Variants in BNC2 observed in about 807,000 individuals in gnomAD.
BNC2 encodes the protein basonuclin zinc finger protein 2, also known as zinc finger protein basonuclin-2.
In BNC2, 20 loss-of-function variants were observed where a neutral mutation model predicts 76.3. The ratio of observed to expected loss-of-function variants is 0.26; its 90% CI spans 0.18 to 0.38. BNC2 has a LOEUF of 0.38. Ranked by LOEUF, BNC2 falls within the 10% of genes least tolerant of loss-of-function variation. BNC2 has a pLI of 1.00. For synonymous variants in BNC2, 582 were observed against 514.8 expected, an observed-to-expected ratio of 1.13 and a Z score of -1.77; for missense variants, 1,382 against 1,399.8, an observed-to-expected ratio of 0.99 and a Z score of 0.20.
chr9:16,504,784 T>C (rs1002759972), intron 5 of BNC2, among the ~76,000 whole-genome samples: 14 of 151,952 alleles, frequency 9.2e-5, no homozygotes, highest in African/African-American at 2.9e-4. Flanking sequence ...CTGTTCGAGG[T>C]TGCAGTGTGC....
In BNC2 at chr9:16,639,186, T is replaced by C. The variant is rs12004754; in HGVS notation, c.331-56101A>G. Reference sequence around the variant, plus strand: ...CAGAAGTTAATAAAGTATTCTTGGATGACACTTTAGGAGACATTTTATCAA... The same window carrying C: ...CAGAAGTTAATAAAGTATTCTTGGACGACACTTTAGGAGACATTTTATCAA... On this transcript the variant is annotated intron_variant, in intron 3 of 6. Coordinates refer to ENST00000380672, the MANE Select transcript of BNC2 (RefSeq NM_017637.6). Among the ~76,000 whole-genome samples the C allele has an allele frequency of 7.5e-3, 1,140 of 152,294 alleles. 17 individuals carry two copies. Among genetic ancestry groups the C allele is most frequent in the African/African-American group, 0.026 (1,088 of 41,572 alleles).
At chr9:16,676,051 C>T (rs556626007) in intron 3 of BNC2, among the ~76,000 whole-genome samples, 8 of 152,160 alleles carry the variant, frequency 5.3e-5, no homozygotes, top group African/African-American at 7.2e-5. Flanking sequence ...GGTGACAAAG[C>T]GAGACTCTGT....
At chr9:16,784,908 T>G (rs936696814) in intron 1 of BNC2, among the ~76,000 whole-genome samples, 3 of 152,182 alleles carry the variant, frequency 2.0e-5, no homozygotes, top group African/African-American at 7.2e-5. Flanking sequence ...CTTCCAGGAC[T>G]TGGTAAATGA....
chr9:16,602,559 A>AC (rs1173725645), intron 3 of BNC2, among the ~76,000 whole-genome samples: 2 of 152,134 alleles, frequency 1.3e-5, no homozygotes, highest in Admixed American at 6.5e-5. Flanking sequence ...GGTGCCACAT[A>AC]CCCCCTCAGT....
At chr9:16,419,921 T>C (rs1820676510) in intron 6 of BNC2, among the ~76,000 whole-genome samples, 1 of 152,160 alleles carries the variant, frequency 6.6e-6, no homozygotes, top group Admixed American at 6.6e-5. Flanking sequence ...TGCAAACCCG[T>C]GCACCTTTTT....
intron 3 of BNC2, among the ~76,000 whole-genome samples, chr9:16,666,310 T>A (rs1258012380): frequency 6.6e-6 from 1 of 152,230 alleles, no homozygotes; most frequent in Non-Finnish European, 1.5e-5. Context: ...CTGGTAATGT[T>A]GGCATTCCCT....
chr9:16,549,283 C>T (rs1818585464), intron 5 of BNC2, among the ~76,000 whole-genome samples: 2 of 152,178 alleles, frequency 1.3e-5, no homozygotes, highest in South Asian at 4.1e-4. Flanking sequence ...TACCGTACAT[C>T]TTCATTTGCC....
At chr9:16,692,301 C>T (rs1257288960) in intron 3 of BNC2, among the ~76,000 whole-genome samples, 1 of 152,134 alleles carries the variant, frequency 6.6e-6, no homozygotes, top group Non-Finnish European at 1.5e-5. Flanking sequence ...TACTTTCTAT[C>T]CTCAACACTC....
intron 5 of BNC2, among the ~76,000 whole-genome samples, chr9:16,515,254 C>T (rs1822850554): frequency 6.6e-6 from 1 of 152,144 alleles, no homozygotes; most frequent in Non-Finnish European, 1.5e-5. Flanking sequence ...GAAATGGAGC[C>T]GCTTCAAAGC....
At chr9:16,583,209 G>T in intron 3 of BNC2, 124 bp from the exon 4 acceptor site, 1 of 785,560 alleles carries the variant, frequency 1.3e-6, no homozygotes, top group Non-Finnish European at 2.1e-6. Flanking sequence ...GGCCTGGAGA[G>T]TTTTAAAAAT....
chr9:16,428,819 C>CA (rs1335274258), intron 6 of BNC2, among the ~76,000 whole-genome samples: 2 of 152,136 alleles, frequency 1.3e-5, no homozygotes, highest in Non-Finnish European at 2.9e-5. Context: ...TTAGGTGTAA[C>CA]AGCTTTTTAC....
chr9:16,613,865 A>C (rs963213845), intron 3 of BNC2, among the ~76,000 whole-genome samples: 3 of 152,228 alleles, frequency 2.0e-5, no homozygotes, highest in African/African-American at 7.2e-5. Flanking sequence ...CTCTGATTCC[A>C]GACAGGCAGT....
chr9:16,453,994 A>G (rs924240557), intron 5 of BNC2, among the ~76,000 whole-genome samples: 2 of 152,000 alleles, frequency 1.3e-5, no homozygotes, highest in Admixed American at 6.6e-5. Flanking sequence ...ATATACTCCC[A>G]CCACCAACGT....
At chr9:16,692,774 G>C (rs932423945) in intron 3 of BNC2, among the ~76,000 whole-genome samples, 28 of 152,144 alleles carry the variant, frequency 1.8e-4, no homozygotes, top group Admixed American at 8.5e-4. Flanking sequence ...GCTTCCTAGA[G>C]TGATGCTGTG....
chr9:16,674,996 A>G (rs1193253655), intron 3 of BNC2, among the ~76,000 whole-genome samples: 2 of 152,214 alleles, frequency 1.3e-5, no homozygotes, highest in Non-Finnish European at 2.9e-5. Flanking sequence ...CTGACACTAG[A>G]AAAGTAGAAG....
In BNC2 at chr9:16,634,885, G is replaced by GT. The variant is rs59933674; in HGVS notation, c.331-51801dup. On this transcript the variant is annotated intron_variant, in intron 3 of 6. Transcript: ENST00000380672. The stretch of plus-strand genomic sequence containing the variant: ...AGGGGGAACACATACTAATAAAGGT[G>GT]TTTTTTTTTTTCTTTTAATCCAACC... 6.4e-4 allele frequency among the ~76,000 whole-genome samples: 96 copies of GT among 149,484 alleles called. 1 individual carries two copies. The East Asian group carries it at 6.5e-3, about 10-fold the overall frequency.
At chr9:16,472,637 A>T (rs1413093408) in intron 5 of BNC2, among the ~76,000 whole-genome samples, 2 of 152,144 alleles carry the variant, frequency 1.3e-5, no homozygotes, top group Non-Finnish European at 2.9e-5. Flanking sequence ...AGAATGGTCC[A>T]CTTCTTATAA....
intron 1 of BNC2, among the ~76,000 whole-genome samples, chr9:16,774,188 G>T (rs1825902784): frequency 6.6e-6 from 1 of 152,042 alleles, no homozygotes; most frequent in African/African-American, 2.4e-5. Flanking sequence ...CACCATATTG[G>T]CCAGGCTGGT....
At chr9:16,528,063 C>T (rs961678542) in intron 5 of BNC2, among the ~76,000 whole-genome samples, 4 of 152,064 alleles carry the variant, frequency 2.6e-5, no homozygotes, top group Admixed American at 2.6e-4. Context: ...GTAAAATGGA[C>T]TTGGAAGTGA....
Sources: allele counts gnomAD v4.1 joint callset (sites outside exome capture counted in the v4.1 genomes callset), GRCh38; gene constraint gnomAD v4.1.1; transcripts MANE v1.5; gene names NCBI Gene and HGNC (gene_info 2026-07-23, HGNC 2026-07-21).